The following HTR4 variants were observed in gnomAD, a reference collection of about 807,000 sequenced individuals.
The protein encoded by HTR4 is 5-hydroxytryptamine receptor 4.
In HTR4, 16 loss-of-function variants were observed where a neutral mutation model predicts 36.8. That is an observed-to-expected ratio of 0.43 (90% CI 0.29 to 0.66). HTR4 has a LOEUF of 0.66. Among genes scored for constraint, HTR4 ranks in the 30% least tolerant of loss-of-function variants. HTR4 has a pLI of 0.13. For synonymous variants in HTR4, 189 were observed against 185.1 expected (o/e 1.02, Z -0.17); for missense variants, 438 against 490.9 (o/e 0.89, Z 1.02).
At chr5:148,526,289 A>C (rs573094435) in intron 4 of HTR4, among the ~76,000 whole-genome samples, 210 of 152,336 alleles carry the variant, frequency 1.4e-3, no homozygotes, top group African/African-American at 4.9e-3. Context: ...TGAATGCCAG[A>C]TATATCTTTC....
In HTR4 at chr5:148,482,071, C is replaced by T; in HGVS notation, c.*1132G>A. ...AGTGGGGTCCAGAGATGAAAGAACA[C>T]TATTCAAGATCTCACAGCTTGTTTG... On this transcript the variant is annotated 3_prime_UTR_variant, in exon 7 of 7. Transcript: ENST00000377888. The T allele has an allele frequency of 4.1e-6, 4 of 980,466 alleles. No individual in the cohort carries two copies. The highest frequency in any genetic ancestry group is 4.8e-6 in the Non-Finnish European group (4 of 825,098). The allele number at this position is 980,466 out of a possible 1,614,324, so 60.7% of individuals were successfully genotyped here.
intron 1 of HTR4, among the ~76,000 whole-genome samples, chr5:148,640,897 A>AT (rs1404505448): frequency 1.3e-5 from 2 of 152,208 alleles, no homozygotes; most frequent in South Asian, 2.1e-4. Context: ...AGATTGTTAC[A>AT]TTTTTTGCAC....
At chr5:148,622,726 A>G (rs944906917) in intron 2 of HTR4, among the ~76,000 whole-genome samples, 1 of 152,218 alleles carries the variant, frequency 6.6e-6, no homozygotes. Context: ...TTTGCTAGAT[A>G]TTGTGAGACT....
At chr5:148,633,782 C>G (rs1753419207) in intron 2 of HTR4, among the ~76,000 whole-genome samples, 1 of 152,118 alleles carries the variant, frequency 6.6e-6, no homozygotes, top group Non-Finnish European at 1.5e-5. Flanking sequence ...TAAAGGCAAT[C>G]TACTGACAAT....
intron 4 of HTR4, among the ~76,000 whole-genome samples, chr5:148,532,935 T>C (rs933862795): frequency 1.3e-5 from 2 of 152,334 alleles, no homozygotes; most frequent in African/African-American, 4.8e-5. Flanking sequence ...GCTAGTGGAT[T>C]GGAGAACACA....
chr5:148,454,873 C>T, intron 5 of HTR4, among the ~76,000 whole-genome samples: 1 of 152,132 alleles, frequency 6.6e-6, no homozygotes, highest in Non-Finnish European at 1.5e-5. Flanking sequence ...TGCTCTTGCC[C>T]CTGAGCAGCA....
intron 5 of HTR4, among the ~76,000 whole-genome samples, chr5:148,452,388 A>G (rs558373792): frequency 6.6e-6 from 1 of 152,302 alleles, no homozygotes; most frequent in African/African-American, 2.4e-5. Context: ...TGGACTAGGT[A>G]TAAGTCTAGA....
chr5:148,488,781 G>A (rs554745408), intron 6 of HTR4, among the ~76,000 whole-genome samples: 1 of 152,270 alleles, frequency 6.6e-6, no homozygotes, highest in Middle Eastern at 3.4e-3. Flanking sequence ...AGCTTTCATA[G>A]TTTGGGATGT....
intron 2 of HTR4, among the ~76,000 whole-genome samples, chr5:148,587,643 G>A (rs1371292113): frequency 6.6e-6 from 1 of 152,106 alleles, no homozygotes; most frequent in Non-Finnish European, 1.5e-5. Flanking sequence ...ATTTGTGTCT[G>A]TATCTTTTCT....
chr5:148,482,109 G>C lies in HTR4; in HGVS notation c.*1094C>G. 1.0e-6 allele frequency: 1 copy of C among 984,282 alleles called. No individual in the cohort carries two copies. The allele number at this position is 984,282 out of a possible 1,614,324, so 61.0% of individuals were successfully genotyped here. On this transcript the variant is annotated 3_prime_UTR_variant, in exon 7 of 7. Transcript: ENST00000377888. ...CACAGCTTGTTTGCAGCACAGCCAG[G>C]GCGGCAATTTGGGTCCTCTGGCTTC... is the stretch of plus-strand genomic sequence containing the variant.
intron 2 of HTR4, among the ~76,000 whole-genome samples, chr5:148,567,881 A>G (rs1438255981): frequency 6.6e-6 from 1 of 151,986 alleles, no homozygotes; most frequent in Non-Finnish European, 1.5e-5. Context: ...TTTGTTTTCT[A>G]GTGTCTATTA....
chr5:148,504,951 T>C (rs1000611753), intron 6 of HTR4, among the ~76,000 whole-genome samples: 17 of 152,288 alleles, frequency 1.1e-4, no homozygotes, highest in Admixed American at 7.8e-4. Flanking sequence ...CAGGAAGAAG[T>C]TGAATCCCTG....
intron 4 of HTR4, among the ~76,000 whole-genome samples, chr5:148,542,178 T>C (rs774082537): frequency 2.0e-5 from 3 of 152,194 alleles, no homozygotes; most frequent in Non-Finnish European, 4.4e-5. Flanking sequence ...TCAAACCCTC[T>C]GGCATGAAAT....
downstream of HTR4, among the ~76,000 whole-genome samples, chr5:148,481,185 T>C (rs1225289990): frequency 6.6e-6 from 1 of 152,180 alleles, no homozygotes; most frequent in Non-Finnish European, 1.5e-5. Context: ...CCCTTCTTCA[T>C]ATTAGAAAAG....
At chr5:148,518,406 A>G (rs992167736) in intron 5 of HTR4, among the ~76,000 whole-genome samples, 1 of 152,170 alleles carries the variant, frequency 6.6e-6, no homozygotes, top group African/African-American at 2.4e-5. Context: ...ATTATAGAGC[A>G]AAAGAATATG....
At chr5:148,565,827 T>C (rs992054129) in intron 2 of HTR4, among the ~76,000 whole-genome samples, 1 of 152,168 alleles carries the variant, frequency 6.6e-6, no homozygotes, top group Non-Finnish European at 1.5e-5. Context: ...CTCCTGCACC[T>C]GGTTACTAGT....
chr5:148,498,896 C>G (rs917304956), intron 6 of HTR4, among the ~76,000 whole-genome samples: 1 of 152,038 alleles, frequency 6.6e-6, no homozygotes, highest in Non-Finnish European at 1.5e-5. Flanking sequence ...TATGAAAATG[C>G]CTTCATTTGA....
intron 2 of HTR4, among the ~76,000 whole-genome samples, chr5:148,605,377 G>C (rs1017375765): frequency 7.4e-5 from 11 of 149,222 alleles, no homozygotes; most frequent in Middle Eastern, 3.6e-3. Flanking sequence ...TCCTGCCTCA[G>C]TCTCCCAAGT....
At chr5:148,502,757 C>T (rs532766789) in intron 6 of HTR4, among the ~76,000 whole-genome samples, 1 of 152,280 alleles carries the variant, frequency 6.6e-6, no homozygotes, top group East Asian at 1.9e-4. Flanking sequence ...AAAGATTAGA[C>T]CAATGGCTAA....
Sources: gnomAD v4.1 joint callset for allele counts (sites outside exome capture counted in the v4.1 genomes callset) on GRCh38, gnomAD v4.1.1 for gene constraint, MANE v1.5 for transcripts, NCBI Gene and HGNC (gene_info 2026-07-23, HGNC 2026-07-21) for gene names.